The following DLGAP2 variants were observed in gnomAD, a reference collection of about 807,000 sequenced individuals.
The protein encoded by DLGAP2 is DLG associated protein 2, also known as disks large-associated protein 2.
A neutral mutation model predicts 100.3 loss-of-function variants in DLGAP2; 26 were observed. The ratio of observed to expected loss-of-function variants is 0.26; its 90% confidence interval spans 0.19 to 0.36. DLGAP2 has a LOEUF of 0.36. Among genes scored for constraint, DLGAP2 ranks in the 10% least tolerant of loss-of-function variants. The pLI, the probability that DLGAP2 is intolerant of heterozygous loss-of-function variation, is 1.00. For synonymous variants in DLGAP2, 886 were observed against 630.1 expected (o/e 1.41, Z -6.08); for missense variants, 1,858 against 1,453.2 (o/e 1.28, Z -4.53).
intron 3 of DLGAP2, among the ~76,000 whole-genome samples, chr8:1,423,725 C>A (rs557779642): frequency 6.6e-6 from 1 of 152,152 alleles, no homozygotes; most frequent in African/African-American, 2.4e-5. Context: ...CAAGAGCACT[C>A]CAAGGGAGAG....
At chr8:818,006 G>C (rs978521019) in intron 1 of DLGAP2, among the ~76,000 whole-genome samples, 21 of 152,128 alleles carry the variant, frequency 1.4e-4, no homozygotes, top group African/African-American at 3.6e-4. Flanking sequence ...TTGCCCTAGG[G>C]TGTACCTGGT....
chr8:1,690,120 C>T (rs1333300056), intron 12 of DLGAP2, among the ~76,000 whole-genome samples: 2 of 151,278 alleles, frequency 1.3e-5, no homozygotes, highest in Non-Finnish European at 2.9e-5. Flanking sequence ...CCTTGGGAGG[C>T]CAAGGCGGGC....
chr8:1,447,141 T>A (rs1323465253), intron 3 of DLGAP2, among the ~76,000 whole-genome samples: 1 of 152,054 alleles, frequency 6.6e-6, no homozygotes, highest in Non-Finnish European at 1.5e-5. Flanking sequence ...TGAATAGGAG[T>A]GGTGAGAGAG....
chr8:1,663,733 G>A (rs777317699), intron 8 of DLGAP2, among the ~76,000 whole-genome samples: 2 of 152,088 alleles, frequency 1.3e-5, no homozygotes, highest in Non-Finnish European at 2.9e-5. Flanking sequence ...TCAACTGCAG[G>A]GAGTGGTAAA....
At chr8:1,436,957 G>C (rs1005411025) in intron 3 of DLGAP2, among the ~76,000 whole-genome samples, 7 of 152,274 alleles carry the variant, frequency 4.6e-5, no homozygotes, top group African/African-American at 1.7e-4. Context: ...ACGCTGTGCA[G>C]GTGCAGCCTG....
chr8:1,057,704 T>C (rs1184732058), intron 2 of DLGAP2, among the ~76,000 whole-genome samples: 2 of 152,238 alleles, frequency 1.3e-5, no homozygotes, highest in East Asian at 3.8e-4. Context: ...TGCGAACAGC[T>C]TGTGGCCTTT....
At position 795,326 on chromosome 8, in the gene DLGAP2, A is replaced by G. The variant is rs1796001303; in HGVS notation, c.18+57501A>G. Among the ~76,000 whole-genome samples the G allele has an allele frequency of 2.0e-5, 3 of 152,188 alleles. No individual in the cohort carries two copies. In the South Asian group the frequency reaches 6.2e-4, roughly 31 times the overall value. ...CTCATCAGTGCTGAACTCAGAGCTG[A>G]CAGCCCATGGCTCGAGCTTGGGCGA... On this transcript the variant is annotated intron_variant, in intron 1 of 14. Transcript: ENST00000637795.
At chr8:1,257,842 C>T (rs1193917634) in intron 2 of DLGAP2, among the ~76,000 whole-genome samples, 1 of 152,246 alleles carries the variant, frequency 6.6e-6, no homozygotes, top group Admixed American at 6.5e-5. Flanking sequence ...CTCTCCCACC[C>T]TTGTGGGCTC....
intron 3 of DLGAP2, among the ~76,000 whole-genome samples, chr8:1,261,595 C>T (rs1348749983): frequency 6.6e-6 from 1 of 152,088 alleles, no homozygotes; most frequent in Non-Finnish European, 1.5e-5. Context: ...GGTGGGGCTC[C>T]CTGCTCTGGC....
At chr8:822,361 G>A (rs1303622430) in intron 1 of DLGAP2, among the ~76,000 whole-genome samples, 1 of 151,684 alleles carries the variant, frequency 6.6e-6, no homozygotes, top group South Asian at 2.1e-4. Context: ...AGCCGGGTAT[G>A]GTAAGGCCGG....
At chr8:1,563,077 C>T (rs373693908) in intron 5 of DLGAP2, among the ~76,000 whole-genome samples, 32 of 19,110 alleles carry the variant, frequency 1.7e-3, no homozygotes, top group South Asian at 4.3e-3. Context: ...GTTGGGTGTC[C>T]GCGCCTCGTT....
intron 3 of DLGAP2, among the ~76,000 whole-genome samples, chr8:1,271,640 A>T (rs995878781): frequency 6.6e-6 from 1 of 152,222 alleles, no homozygotes; most frequent in African/African-American, 2.4e-5. Flanking sequence ...CTACTGTTTT[A>T]TAAAAATGGT....
At chr8:1,660,220 C>G (rs966670158) in intron 8 of DLGAP2, among the ~76,000 whole-genome samples, 1 of 152,188 alleles carries the variant, frequency 6.6e-6, no homozygotes, top group Non-Finnish European at 1.5e-5. Context: ...TGCTGTTAGT[C>G]TCATGGGCTT....
chr8:1,121,130 C>T (rs760054293), intron 2 of DLGAP2, among the ~76,000 whole-genome samples: 9 of 150,630 alleles, frequency 6.0e-5, no homozygotes, highest in Non-Finnish European at 1.0e-4. Flanking sequence ...CTCCCATCCT[C>T]GTCCAGTTAG....
intron 2 of DLGAP2, among the ~76,000 whole-genome samples, chr8:1,131,937 A>T (rs985148943): frequency 5.9e-5 from 9 of 152,212 alleles, no homozygotes; most frequent in Non-Finnish European, 1.0e-4. Flanking sequence ...GTATCTTCAT[A>T]AGTGTGACTG....
intron 3 of DLGAP2, chr8:1,302,162 AGTTCCCG>A (rs1800360585): frequency 5.3e-5 from 8 of 152,030 alleles, no homozygotes; most frequent in Admixed American, 1.3e-4. Flanking sequence ...ATTTTCTGTG[AGTTCCCG>A]AGCTCTGCTC....
chr8:1,298,776 T>C (rs954082094), intron 3 of DLGAP2, among the ~76,000 whole-genome samples: 3 of 152,230 alleles, frequency 2.0e-5, no homozygotes, highest in Non-Finnish European at 4.4e-5. Context: ...TAAAGACTTC[T>C]ATTTGCAAAG....
intron 1 of DLGAP2, among the ~76,000 whole-genome samples, chr8:894,429 G>A (rs1171226590): frequency 6.6e-6 from 1 of 151,954 alleles, no homozygotes; most frequent in Non-Finnish European, 1.5e-5. Flanking sequence ...TGTACACAAT[G>A]GAATACTATT....
intron 3 of DLGAP2, among the ~76,000 whole-genome samples, chr8:1,371,945 A>T (rs1271850493): frequency 6.6e-6 from 1 of 152,226 alleles, no homozygotes; most frequent in Non-Finnish European, 1.5e-5. Context: ...CTGAAAAGAG[A>T]GCCAGGGAGA....
Sources: gnomAD v4.1 joint callset for allele counts (sites outside exome capture counted in the v4.1 genomes callset) on GRCh38, gnomAD v4.1.1 for gene constraint, MANE v1.5 for transcripts, NCBI Gene and HGNC (gene_info 2026-07-23, HGNC 2026-07-21) for gene names.